Variants in DPYD observed in about 807,000 individuals in gnomAD.
DPYD encodes the protein dihydropyrimidine dehydrogenase [NADP(+)].
DPYD carries 109 observed loss-of-function variants against 116.2 expected under a neutral mutation model. The ratio of observed to expected loss-of-function variants is 0.94; its 90% confidence interval spans 0.80 to 1.10. DPYD has a LOEUF of 1.10. Among genes scored for constraint, DPYD ranks in the 50% least tolerant of loss-of-function variants. DPYD has a pLI of 0.00. For synonymous variants in DPYD, 440 were observed against 432.0 expected (o/e 1.02, Z -0.23); for missense variants, 1,302 against 1,254.5 (o/e 1.04, Z -0.57).
chr1:97,456,906 A>G (rs1178700133), intron 13 of DPYD, among the ~76,000 whole-genome samples: 1 of 152,050 alleles, frequency 6.6e-6, no homozygotes, highest in African/African-American at 2.4e-5. Context: ...GTGGCCCAAA[A>G]CCTTGCAAGA....
At chr1:97,584,257 G>C (rs1653921334) in intron 10 of DPYD, among the ~76,000 whole-genome samples, 1 of 151,804 alleles carries the variant, frequency 6.6e-6, no homozygotes, top group South Asian at 2.1e-4. Context: ...TTTTTGACGG[G>C]GTTGTTTTTT....
At chr1:97,542,793 A>G (rs1650551353) in intron 12 of DPYD, among the ~76,000 whole-genome samples, 1 of 148,554 alleles carries the variant, frequency 6.7e-6, no homozygotes, top group Admixed American at 6.6e-5. Flanking sequence ...TTTTGAATGA[A>G]TGAATTAATT....
At chr1:97,323,613 CG>C (rs1668528184) in intron 16 of DPYD, among the ~76,000 whole-genome samples, 1 of 66,274 alleles carries the variant, frequency 1.5e-5, no homozygotes, top group Non-Finnish European at 3.4e-5. Flanking sequence ...TATATATACA[CG>C]TATATATACA....
At chr1:97,186,106 C>T (rs1417170233) in intron 20 of DPYD, among the ~76,000 whole-genome samples, 1 of 152,136 alleles carries the variant, frequency 6.6e-6, no homozygotes. Flanking sequence ...GACATTTACA[C>T]ATTTCTTTGG....
intron 13 of DPYD, among the ~76,000 whole-genome samples, chr1:97,451,643 G>A (rs1018524041): frequency 1.8e-4 from 27 of 152,044 alleles, no homozygotes; most frequent in African/African-American, 6.5e-4. Flanking sequence ...GTTACTCCAC[G>A]AAGCTCAAGC....
intron 20 of DPYD, among the ~76,000 whole-genome samples, chr1:97,102,927 G>T (rs6663628): frequency 0.45 from 68,276 of 151,750 alleles, 16,907 homozygotes; most frequent in East Asian, 0.97. Flanking sequence ...GAAAAATGAA[G>T]AAAATAAATG....
chr1:97,346,178 G>A (rs1484194244), intron 16 of DPYD, among the ~76,000 whole-genome samples: 4 of 151,586 alleles, frequency 2.6e-5, no homozygotes, highest in Non-Finnish European at 3.0e-5. Context: ...ATATCACAGA[G>A]ATTTATTTAT....
chr1:97,540,875 T>G (rs1650403484), intron 12 of DPYD, among the ~76,000 whole-genome samples: 1 of 152,166 alleles, frequency 6.6e-6, no homozygotes, highest in Non-Finnish European at 1.5e-5. Context: ...ACTTTGGAGA[T>G]TCCAAAGATT....
intron 19 of DPYD, among the ~76,000 whole-genome samples, chr1:97,199,691 T>C (rs1362207509): frequency 6.6e-6 from 1 of 152,166 alleles, no homozygotes; most frequent in Admixed American, 6.6e-5. Flanking sequence ...GACCCAACTC[T>C]TGTCATCTGG....
intron 12 of DPYD, among the ~76,000 whole-genome samples, chr1:97,540,355 C>T (rs1650341863): frequency 8.2e-6 from 1 of 122,664 alleles, no homozygotes; most frequent in African/African-American, 3.1e-5. Flanking sequence ...GGCGGCGGGG[C>T]AGGGAACAAA....
intron 19 of DPYD, among the ~76,000 whole-genome samples, chr1:97,232,630 T>G (rs1661656303): frequency 6.6e-6 from 1 of 152,140 alleles, no homozygotes; most frequent in African/African-American, 2.4e-5. Flanking sequence ...CAATTTCTAT[T>G]GCCAATTTCT....
intron 11 of DPYD, among the ~76,000 whole-genome samples, chr1:97,566,727 C>T (rs1046055184): frequency 1.3e-5 from 2 of 152,034 alleles, no homozygotes; most frequent in African/African-American, 2.4e-5. Context: ...TGAGAAATTA[C>T]GTAAGCTGAA....
At chr1:97,591,931 T>C (rs539879838) in intron 10 of DPYD, among the ~76,000 whole-genome samples, 4 of 151,788 alleles carry the variant, frequency 2.6e-5, no homozygotes, top group Non-Finnish European at 5.9e-5. Context: ...AAAAACTACC[T>C]TGGATTTTAT....
In DPYD at chr1:97,891,215, TAAGA is replaced by T. The variant is rs1236170302; in HGVS notation, c.40-7845_40-7842del. On this transcript the variant is annotated intron_variant, in intron 1 of 22. Transcript: ENST00000370192. ...GGAGAGTTCTAAATTGCATTTTTCCTAAGAAATGGCCAAAGGCACGTTCCAACAG... is the reference window on the plus strand; with the variant it reads ...GGAGAGTTCTAAATTGCATTTTTCCTAATGGCCAAAGGCACGTTCCAACAG... Among the ~76,000 whole-genome samples the T allele has an allele frequency of 2.0e-5, 3 of 152,068 alleles. No homozygotes were observed. In the East Asian group the frequency reaches 5.8e-4, roughly 30 times the overall value.
chr1:97,607,385 A>G (rs1422892945), intron 8 of DPYD, among the ~76,000 whole-genome samples: 2 of 151,808 alleles, frequency 1.3e-5, no homozygotes, highest in African/African-American at 4.8e-5. Flanking sequence ...GATTCAGTAT[A>G]GTGGAAGAGG....
rs1353473800 is a variant in DPYD, at chr1:97,242,122, G to GTATATATA, written c.2300-7129_2300-7128insTATATATA. Among the ~76,000 whole-genome samples the GTATATATA allele has an allele frequency of 8.5e-4, 61 of 71,588 alleles. 6 individuals carry two copies. Among genetic ancestry groups the GTATATATA allele is most frequent in the South Asian group, 1.5e-3 (3 of 2,018 alleles). 47.0% of individuals were successfully genotyped at this position (71,588 alleles called of 152,430 possible). ...TGTAATTTGCAACGTGTGTGTGCGT[G>GTATATATA]TGTATATATATATATATATATATAT... On this transcript the variant is annotated intron_variant, in intron 18 of 22. Transcript: ENST00000370192.
intron 21 of DPYD, among the ~76,000 whole-genome samples, chr1:97,089,162 C>G (rs1253881612): frequency 2.0e-5 from 3 of 152,200 alleles, no homozygotes; most frequent in African/African-American, 7.2e-5. Context: ...ATGAAAACAT[C>G]ACTAGTGCCC....
intron 8 of DPYD, among the ~76,000 whole-genome samples, chr1:97,609,637 A>G (rs532256766): frequency 1.4e-4 from 22 of 152,138 alleles, no homozygotes; most frequent in African/African-American, 5.3e-4. Flanking sequence ...AGTGGCAAAG[A>G]CAGATTTAAA....
chr1:97,878,433 C>A (rs1672027151), intron 2 of DPYD, among the ~76,000 whole-genome samples: 1 of 151,906 alleles, frequency 6.6e-6, no homozygotes, highest in African/African-American at 2.4e-5. Context: ...TTCTTTATCT[C>A]CATCCCAGAC....
Sources: gnomAD v4.1 joint callset for allele counts (sites outside exome capture counted in the v4.1 genomes callset) on GRCh38, gnomAD v4.1.1 for gene constraint, MANE v1.5 for transcripts, NCBI Gene and HGNC (gene_info 2026-07-23, HGNC 2026-07-21) for gene names.